Variants in MTERF4 observed in about 807,000 individuals in gnomAD.
MTERF4 encodes mitochondrial transcription termination factor 4.
MTERF4 carries 17 observed loss-of-function variants against 22.5 expected under a neutral mutation model. The observed-to-expected ratio is 0.75, with a 90% CI of 0.52 to 1.13. The LOEUF (loss-of-function observed/expected upper bound fraction) is 1.13. Ranked by LOEUF, MTERF4 falls within the 50% of genes most tolerant of loss-of-function variation. The probability of loss-of-function intolerance (pLI) is 0.00; values close to 1 mark genes in which losing one functional copy is unlikely to be tolerated. For synonymous variants in MTERF4, 165 were observed against 175.3 expected, an observed-to-expected ratio of 0.94 and a Z score of 0.47; for missense variants, 420 against 466.8, an observed-to-expected ratio of 0.90 and a Z score of 0.92.
chr2:241,084,716 C>T (rs2063498902), downstream of MTERF4, among the ~76,000 whole-genome samples: 1 of 152,186 alleles, frequency 6.6e-6, no homozygotes. Context: ...CCGACTCCAG[C>T]ACTCTTCATT....
chr2:241,051,726 C>T, the MTERF4 span: 3 of 1,464,604 alleles, frequency 2.0e-6, no homozygotes, highest in Admixed American at 2.6e-5. This position sits in a 1 kb window ranked among gnomAD's most constrained non-coding sequence, Gnocchi z 4.7. Flanking sequence ...TCATCTGCCT[C>T]TCTGTCCTTC....
chr2:241,046,180 A>G, the MTERF4 span, among the ~76,000 whole-genome samples: 3 of 152,016 alleles, frequency 2.0e-5, no homozygotes, highest in Admixed American at 6.5e-5. Flanking sequence ...ATACAGAGCA[A>G]CTGGAACTCT....
downstream of MTERF4, chr2:241,090,225 T>C: frequency 6.7e-7 from 1 of 1,489,670 alleles, no homozygotes; most frequent in Non-Finnish European, 8.9e-7. Flanking sequence ...TTTTTTACTA[T>C]TTAACTTTTG....
the MTERF4 span, among the ~76,000 whole-genome samples, chr2:241,054,176 C>A: frequency 6.6e-6 from 1 of 152,316 alleles, no homozygotes; most frequent in Non-Finnish European, 1.5e-5. Context: ...ATGACCCCCC[C>A]TCCCAATGCT....
At chr2:241,065,814 C>T in the MTERF4 span, among the ~76,000 whole-genome samples, 3 of 152,076 alleles carry the variant, frequency 2.0e-5, no homozygotes, top group African/African-American at 7.2e-5. Context: ...GGGATTGGGG[C>T]GCATAGAATC....
At chr2:241,049,776 C>A in the MTERF4 span, 2 of 1,495,786 alleles carry the variant, frequency 1.3e-6, no homozygotes, top group Non-Finnish European at 1.9e-6. Context: ...CGCACAGATG[C>A]GGCGTAAGCT....
intron 1 of MTERF4, among the ~76,000 whole-genome samples, chr2:241,101,547 G>A (rs1015163645): frequency 1.6e-4 from 24 of 152,160 alleles, no homozygotes; most frequent in Non-Finnish European, 2.8e-4. Context: ...ATCGATTGTC[G>A]CCCTGGGGCC....
downstream of MTERF4, chr2:241,070,071 C>T (rs367610382): frequency 9.9e-6 from 16 of 1,612,980 alleles, no homozygotes; most frequent in Non-Finnish European, 1.3e-5. Flanking sequence ...ATGTCCCCAA[C>T]GGGAAGCTGG....
intron 1 of MTERF4, among the ~76,000 whole-genome samples, chr2:241,100,667 G>A (rs537232448): frequency 1.2e-3 from 184 of 152,104 alleles, no homozygotes; most frequent in African/African-American, 4.2e-3. Flanking sequence ...TTGCCCTTAT[G>A]ATTTTCTGAA....
At chr2:241,077,461 G>T (rs753736966) in intron 4 of MTERF4, among the ~76,000 whole-genome samples, 4 of 152,146 alleles carry the variant, frequency 2.6e-5, no homozygotes, top group Non-Finnish European at 4.4e-5. Context: ...CTCAAAGGAT[G>T]CCATCAAGGA....
At chr2:241,054,106 A>G in the MTERF4 span, among the ~76,000 whole-genome samples, 2 of 145,092 alleles carry the variant, frequency 1.4e-5, no homozygotes, top group African/African-American at 5.3e-5. Flanking sequence ...CCTGGCTTCA[A>G]GCATCCCTCC....
At chr2:241,078,499 A>T (rs1477153526) in intron 4 of MTERF4, among the ~76,000 whole-genome samples, 1 of 151,880 alleles carries the variant, frequency 6.6e-6, no homozygotes, top group African/African-American at 2.4e-5. Context: ...TACAACATGG[A>T]TGAATCTTGA....
chr2:241,065,600 G>A, the MTERF4 span: 4 of 1,609,944 alleles, frequency 2.5e-6, no homozygotes, highest in Non-Finnish European at 3.4e-6. Flanking sequence ...GCACGCGTGA[G>A]TGTCCCCGAG....
downstream of MTERF4, chr2:241,089,064 G>GC: frequency 4.8e-6 from 2 of 419,686 alleles, no homozygotes; most frequent in South Asian, 4.4e-5. Context: ...ACCCCATCCT[G>GC]CCCCCACCTC....
the MTERF4 span, chr2:241,048,310 T>TG: frequency 6.3e-7 from 1 of 1,593,878 alleles, no homozygotes; most frequent in East Asian, 2.2e-5. Context: ...CCGTCTTTCT[T>TG]GCAGGAGACC....
chr2:241,089,243 G>A (rs1294340477), downstream of MTERF4: 1 of 1,498,280 alleles, frequency 6.7e-7, no homozygotes, highest in East Asian at 2.5e-5. Context: ...GTTGGCCTAG[G>A]ACAGCTTTGC....
chr2:241,101,047 A>G, intron 1 of MTERF4: 1 of 413,560 alleles, frequency 2.4e-6, no homozygotes, highest in South Asian at 1.7e-5. Context: ...ATGGAAGACA[A>G]TTTTTCCACA....
At chr2:241,063,612 G>A in the MTERF4 span, 195 of 1,611,072 alleles carry the variant, frequency 1.2e-4, 1 homozygote, top group East Asian at 2.1e-3. Flanking sequence ...GAGCTCACCC[G>A]TGCAGAAATG....
chr2:241,093,190 A>AC (rs2064152479), downstream of MTERF4: 1 of 152,610 alleles, frequency 6.6e-6, no homozygotes, highest in Admixed American at 6.5e-5. Flanking sequence ...CAGAAGGTGG[A>AC]GCTCAATGAA....
Sources: allele counts gnomAD v4.1 joint callset (sites outside exome capture counted in the v4.1 genomes callset), GRCh38; gene constraint gnomAD v4.1.1; non-coding constraint Gnocchi (gnomAD v3.1); transcripts MANE v1.5; gene names NCBI Gene and HGNC (gene_info 2026-07-23, HGNC 2026-07-21).